Variants in RERE observed in about 807,000 individuals in gnomAD.
RERE encodes the protein arginine-glutamic acid dipeptide repeats protein.
RERE carries 40 observed loss-of-function variants against 146.1 expected under a neutral mutation model. The ratio of observed to expected loss-of-function variants is 0.27; its 90% CI spans 0.21 to 0.36. The LOEUF (loss-of-function observed/expected upper bound fraction) is 0.36. Among genes scored for constraint, RERE ranks in the 10% least tolerant of loss-of-function variants. RERE has a pLI of 1.00. For synonymous variants in RERE, 1,003 were observed against 866.0 expected (o/e 1.16, Z -2.78); for missense variants, 1,933 against 2,138.7 (o/e 0.90, Z 1.90).
At chr1:8,713,270 T>C (rs1044833211) in intron 1 of RERE, among the ~76,000 whole-genome samples, 2 of 152,192 alleles carry the variant, frequency 1.3e-5, no homozygotes, top group Non-Finnish European at 2.9e-5. Flanking sequence ...AAGTTTTCTA[T>C]TGATTACCTC....
intron 1 of RERE, among the ~76,000 whole-genome samples, chr1:8,790,393 T>G (rs1641343260): frequency 2.0e-5 from 3 of 152,198 alleles, no homozygotes; most frequent in Admixed American, 6.5e-5. Context: ...ATAATAAATC[T>G]AATCTATTTG....
At chr1:8,566,789 G>A (rs1646157928) in intron 4 of RERE, among the ~76,000 whole-genome samples, 1 of 107,026 alleles carries the variant, frequency 9.3e-6, no homozygotes, top group Non-Finnish European at 1.9e-5. Context: ...AACTGGAATA[G>A]TAATTTTTTT....
chr1:8,681,292 C>G (rs556796410), intron 1 of RERE, among the ~76,000 whole-genome samples: 2 of 152,226 alleles, frequency 1.3e-5, no homozygotes, highest in South Asian at 4.1e-4. Context: ...TCATATAGGA[C>G]TATTCATATA....
chr1:8,429,426 G>A (rs1293862595), intron 11 of RERE, among the ~76,000 whole-genome samples: 1 of 152,170 alleles, frequency 6.6e-6, no homozygotes, highest in Non-Finnish European at 1.5e-5. Context: ...TGGGCTGAGA[G>A]TAAACCCTGA....
At chr1:8,750,471 C>A in intron 1 of RERE, 2 of 1,034,350 alleles carry the variant, frequency 1.9e-6, no homozygotes, top group South Asian at 1.3e-5. Context: ...CCTGCTGTGC[C>A]AGAAACCCTT....
At chr1:8,520,121 C>A (rs1327095187) in intron 7 of RERE, among the ~76,000 whole-genome samples, 1 of 152,160 alleles carries the variant, frequency 6.6e-6, no homozygotes, top group Non-Finnish European at 1.5e-5. Context: ...CTTAAAGTTA[C>A]CACTTCCATA....
chr1:8,597,816 C>T (rs1646574039), intron 4 of RERE, among the ~76,000 whole-genome samples: 2 of 151,574 alleles, frequency 1.3e-5, no homozygotes, highest in Admixed American at 6.6e-5. Context: ...ATCCTGTTGA[C>T]AGTTTTCCCG....
chr1:8,588,053 G>GCA (rs1646448354), intron 4 of RERE, among the ~76,000 whole-genome samples: 1 of 152,128 alleles, frequency 6.6e-6, no homozygotes, highest in African/African-American at 2.4e-5. Flanking sequence ...TATGTGCCAT[G>GCA]CACTGTAAAG....
At chr1:8,614,837 A>C in intron 3 of RERE, 151 bp from the exon 4 acceptor site, 2 of 849,788 alleles carry the variant, frequency 2.4e-6, no homozygotes, top group Non-Finnish European at 3.5e-6. Context: ...ACTAAAGTTA[A>C]CCTTTTTGCA....
chr1:8,665,754 A>G (rs1444676235), intron 1 of RERE, among the ~76,000 whole-genome samples: 1 of 152,240 alleles, frequency 6.6e-6, no homozygotes, highest in Non-Finnish European at 1.5e-5. Context: ...CTTAATATGC[A>G]CTAAGCACTT....
intron 10 of RERE, among the ~76,000 whole-genome samples, chr1:8,490,585 A>G (rs1264424600): frequency 2.1e-4 from 32 of 150,456 alleles, no homozygotes; most frequent in Admixed American, 2.1e-3. Flanking sequence ...GTGAATATGC[A>G]TATCCATACA....
intron 6 of RERE, among the ~76,000 whole-genome samples, chr1:8,541,957 A>G (rs1204380544): frequency 6.6e-6 from 1 of 152,206 alleles, no homozygotes; most frequent in Non-Finnish European, 1.5e-5. Context: ...TAGAAATACT[A>G]AAATAAAGTG....
At chr1:8,652,325 CAT>C (rs1228956619) in intron 2 of RERE, among the ~76,000 whole-genome samples, 24 of 152,338 alleles carry the variant, frequency 1.6e-4, no homozygotes, top group African/African-American at 5.5e-4. Flanking sequence ...ACCTTTCTCA[CAT>C]GTCACAAAGG....
At chr1:8,772,024 G>A (rs1305111777) in intron 1 of RERE, among the ~76,000 whole-genome samples, 1 of 151,634 alleles carries the variant, frequency 6.6e-6, no homozygotes, top group Non-Finnish European at 1.5e-5. Context: ...TTGTATGTAT[G>A]TACTGTCACA....
rs1013394624 is a variant in RERE at position 8,359,014 on chromosome 1, C to T, written c.3619-98G>A. The T allele has an allele frequency of 3.2e-5, 45 of 1,387,980 alleles. No homozygotes were observed. The African/African-American group carries it at 6.5e-4, about 20-fold the overall frequency. The allele number at this position is 1,387,980 out of a possible 1,614,324, so 86.0% of individuals were successfully genotyped here. ...TGGGCCTGGTCCTGCTCCTGGCCTGCTCTGACAGGCCAACCTGGTCCCTCC... is the reference window on the plus strand; with the variant it reads ...TGGGCCTGGTCCTGCTCCTGGCCTGTTCTGACAGGCCAACCTGGTCCCTCC... On this transcript the variant is annotated intron_variant, in intron 19 of 22. Transcript: ENST00000400908.
chr1:8,426,177 G>A (rs913680604), intron 11 of RERE, among the ~76,000 whole-genome samples: 1 of 152,120 alleles, frequency 6.6e-6, no homozygotes, highest in Non-Finnish European at 1.5e-5. Flanking sequence ...TCTTTCAGCC[G>A]GGCGCGGTGG....
intron 4 of RERE, among the ~76,000 whole-genome samples, chr1:8,606,816 C>A (rs1441831202): frequency 6.6e-6 from 1 of 151,930 alleles, no homozygotes. Flanking sequence ...CATTTTGGGA[C>A]AAGAGGGAAA....
At chr1:8,736,870 A>C (rs1476168528) in intron 1 of RERE, among the ~76,000 whole-genome samples, 4 of 150,444 alleles carry the variant, frequency 2.7e-5, no homozygotes, top group East Asian at 1.9e-4. Context: ...AAAAAAAAAA[A>C]AAAAACTAAA....
chr1:8,685,062 T>C (rs1377966348), intron 1 of RERE, among the ~76,000 whole-genome samples: 1 of 152,012 alleles, frequency 6.6e-6, no homozygotes, highest in Non-Finnish European at 1.5e-5. Context: ...CTCACTATGT[T>C]ACTCAGGGTG....
Sources: gnomAD v4.1 joint callset for allele counts (sites outside exome capture counted in the v4.1 genomes callset) on GRCh38, gnomAD v4.1.1 for gene constraint, MANE v1.5 for transcripts, NCBI Gene and HGNC (gene_info 2026-07-23, HGNC 2026-07-21) for gene names.